The following NRXN3 variants were observed in gnomAD, a reference collection of about 807,000 sequenced individuals.
NRXN3 encodes the protein neurexin 3.
NRXN3 carries 32 observed loss-of-function variants against 137.6 expected under a neutral mutation model. That is an observed-to-expected ratio of 0.23 (90% confidence interval 0.18 to 0.31). The LOEUF is 0.31. Ranked by LOEUF, NRXN3 falls within the 10% of genes least tolerant of loss-of-function variation. The pLI is 1.00. For synonymous variants in NRXN3, 798 were observed against 784.5 expected, an observed-to-expected ratio of 1.02 and a Z score of -0.29; for missense variants, 1,574 against 2,062.5, an observed-to-expected ratio of 0.76 and a Z score of 4.59.
At chr14:78,701,990 G>A (rs1567095208) in intron 6 of NRXN3, among the ~76,000 whole-genome samples, 1 of 152,202 alleles carries the variant, frequency 6.6e-6, no homozygotes, top group Admixed American at 6.5e-5. Context: ...TATCTCAGCA[G>A]GTGGAGTTAG....
At chr14:78,416,868 C>A (rs539122719) in intron 4 of NRXN3, among the ~76,000 whole-genome samples, 1 of 152,268 alleles carries the variant, frequency 6.6e-6, no homozygotes, top group East Asian at 1.9e-4. Context: ...ACTCCAGTGG[C>A]ATTTGGGTCA....
chr14:78,332,181 A>G (rs1392186197), intron 4 of NRXN3, among the ~76,000 whole-genome samples: 1 of 152,224 alleles, frequency 6.6e-6, no homozygotes, highest in Admixed American at 6.5e-5. Context: ...TAAAGCAGAT[A>G]GTGGAATACC....
intron 15 of NRXN3, among the ~76,000 whole-genome samples, chr14:79,091,884 G>A (rs558946422): frequency 6.6e-6 from 1 of 152,128 alleles, no homozygotes; most frequent in Admixed American, 6.5e-5. Context: ...TTTCTAAAGT[G>A]TCCACTTTTG....
At chr14:79,194,709 A>G (rs1258994375) in intron 15 of NRXN3, among the ~76,000 whole-genome samples, 1 of 152,214 alleles carries the variant, frequency 6.6e-6, no homozygotes, top group African/African-American at 2.4e-5. Context: ...AAGAAGGCAC[A>G]CAAGAGACAA....
intron 15 of NRXN3, among the ~76,000 whole-genome samples, chr14:79,342,158 A>G (rs2092641958): frequency 1.3e-5 from 2 of 152,078 alleles, no homozygotes; most frequent in Non-Finnish European, 2.9e-5. Context: ...ATCCCCCAAC[A>G]CACTTTGTGA....
intron 4 of NRXN3, among the ~76,000 whole-genome samples, chr14:78,560,880 C>G (rs951910395): frequency 6.6e-6 from 1 of 152,176 alleles, no homozygotes; most frequent in Non-Finnish European, 1.5e-5. Flanking sequence ...TTTTAGGTTT[C>G]AGGTCTTCAT....
intron 15 of NRXN3, among the ~76,000 whole-genome samples, chr14:79,319,310 C>T (rs973202781): frequency 1.2e-4 from 18 of 152,166 alleles, no homozygotes; most frequent in Admixed American, 6.5e-5. Flanking sequence ...TATAATATTC[C>T]TGTTCTCCAT....
intron 15 of NRXN3, among the ~76,000 whole-genome samples, chr14:79,360,336 C>T (rs1026444254): frequency 7.9e-5 from 12 of 152,304 alleles, no homozygotes; most frequent in African/African-American, 2.9e-4. Context: ...AACTCCTGAC[C>T]TCAGGTGGTC....
chr14:78,456,443 A>T (rs1017773441), intron 4 of NRXN3, among the ~76,000 whole-genome samples: 18 of 152,212 alleles, frequency 1.2e-4, no homozygotes, highest in Non-Finnish European at 2.2e-4. Flanking sequence ...CTTTAATGAC[A>T]TAAGCATTTT....
rs112236167 is a variant in NRXN3, at chr14:79,234,542, G to A, written c.3263-232679G>A. Among the ~76,000 whole-genome samples, 181 of 150,252 alleles carry A rather than the reference G, an allele frequency of 1.2e-3. 1 individual carries two copies. Among genetic ancestry groups the A allele is most frequent in the African/African-American group, 4.3e-3 (175 of 40,874 alleles). Reference sequence around the variant, plus strand: ...TGGGATTACAAGCACCTGCCATCACGCCTGGCTAAGTTTTGTATTTTTAGT... The same window carrying A: ...TGGGATTACAAGCACCTGCCATCACACCTGGCTAAGTTTTGTATTTTTAGT... On this transcript the variant is annotated intron_variant, in intron 15 of 20. Coordinates refer to ENST00000335750, the MANE Select transcript of NRXN3 (RefSeq NM_001330195.2).
At chr14:79,077,234 C>T (rs531078236) in intron 15 of NRXN3, among the ~76,000 whole-genome samples, 1 of 152,270 alleles carries the variant, frequency 6.6e-6, no homozygotes, top group East Asian at 1.9e-4. Context: ...ATTAAATTCC[C>T]TCATGACCGA....
In NRXN3 at chr14:79,375,158, G is replaced by A. The variant is rs1203049615; in HGVS notation, c.3263-92063G>A. On this transcript the variant is annotated intron_variant, in intron 15 of 20. Coordinates refer to ENST00000335750, the MANE Select transcript of NRXN3 (RefSeq NM_001330195.2). ...CTAGTCCCTCAGCGAGTCAGGAGAA[G>A]AGGGGTTAAAACCTGATTCCTCCAG... Among the ~76,000 whole-genome samples the A allele has an allele frequency of 2.0e-5, 3 of 151,948 alleles. No individual in the cohort carries two copies. In the East Asian group the frequency reaches 5.8e-4, roughly 29 times the overall value.
intron 15 of NRXN3, among the ~76,000 whole-genome samples, chr14:79,169,295 A>G (rs900088908): frequency 6.6e-6 from 1 of 152,074 alleles, no homozygotes; most frequent in Non-Finnish European, 1.5e-5. Flanking sequence ...CACAACTGGA[A>G]TACACCTTTT....
intron 8 of NRXN3, 152 bp downstream of exon 8, chr14:78,715,291 A>G: frequency 2.1e-6 from 2 of 960,018 alleles, no homozygotes; most frequent in South Asian, 1.8e-5. Flanking sequence ...CACCCTTTCT[A>G]GTTCTGAATG....
chr14:79,831,623 GCT>G (rs2099323959), intron 20 of NRXN3, among the ~76,000 whole-genome samples: 1 of 152,106 alleles, frequency 6.6e-6, no homozygotes, highest in Non-Finnish European at 1.5e-5. Context: ...GTTCGGCCCA[GCT>G]CCATCACTCT....
At chr14:79,392,391 A>G (rs528448887) in intron 15 of NRXN3, among the ~76,000 whole-genome samples, 1 of 152,180 alleles carries the variant, frequency 6.6e-6, no homozygotes, top group East Asian at 1.9e-4. Context: ...CCAGTCTGTC[A>G]TCAGTAGGCA....
At chr14:78,328,274 C>T (rs1054765106) in intron 4 of NRXN3, among the ~76,000 whole-genome samples, 23 of 152,118 alleles carry the variant, frequency 1.5e-4, no homozygotes, top group Non-Finnish European at 3.1e-4. Flanking sequence ...GCTCAATAGA[C>T]GATGACTCTC....
intron 10 of NRXN3, among the ~76,000 whole-genome samples, chr14:78,837,972 C>T (rs1004257005): frequency 3.9e-5 from 6 of 151,988 alleles, no homozygotes; most frequent in Non-Finnish European, 8.8e-5. Flanking sequence ...TTTCACTGAG[C>T]CATATTAGAT....
rs571096462 is a variant in NRXN3 at position 78,259,746 on chromosome 14, T to G, written c.709+15944T>G. 3.9e-5 allele frequency among the ~76,000 whole-genome samples: 6 copies of G among 152,248 alleles called. No individual in the cohort carries two copies. The South Asian group carries it at 1.2e-3, about 32-fold the overall frequency. On this transcript the variant is annotated intron_variant, in intron 2 of 20. Transcript: ENST00000335750. ...CCTTCTGCCTTCAACTCTCTAGGAC[T>G]GGGGGTGGGGGCTGTGTCTGTGCTC...
Sources: gnomAD v4.1 joint callset for allele counts (sites outside exome capture counted in the v4.1 genomes callset) on GRCh38, gnomAD v4.1.1 for gene constraint, MANE v1.5 for transcripts, NCBI Gene and HGNC (gene_info 2026-07-23, HGNC 2026-07-21) for gene names.